The following UBE2E2 variants were observed in gnomAD, a reference collection of about 807,000 sequenced individuals.
UBE2E2 encodes the protein ubiquitin-conjugating enzyme E2 E2.
Under a neutral mutation model 24.7 loss-of-function variants are expected in UBE2E2, and 6 were observed. That is an observed-to-expected ratio of 0.24 (90% CI 0.13 to 0.48). The LOEUF (loss-of-function observed/expected upper bound fraction) is 0.48, where lower values mean the gene tolerates loss of function less well. Ranked by LOEUF, UBE2E2 falls within the 20% of genes least tolerant of loss-of-function variation. The pLI is 0.99. For missense variants in UBE2E2, 169 were observed against 245.0 expected (o/e 0.69, Z 2.07); for synonymous variants, 104 against 83.6 (o/e 1.24, Z -1.33).
chr3:23,341,980 G>A (rs1478649789), intron 3 of UBE2E2, among the ~76,000 whole-genome samples: 1 of 152,098 alleles, frequency 6.6e-6, no homozygotes, highest in African/African-American at 2.4e-5. Context: ...TTGATAGTAG[G>A]GAAGTAAAAG....
At chr3:23,413,194 A>G (rs953850627) in intron 3 of UBE2E2, among the ~76,000 whole-genome samples, 1 of 115,050 alleles carries the variant, frequency 8.7e-6, no homozygotes, top group Non-Finnish European at 1.7e-5. Flanking sequence ...CTTAAAGTAT[A>G]ATAATAATAA....
intron 3 of UBE2E2, among the ~76,000 whole-genome samples, chr3:23,346,191 C>A (rs1695550148): frequency 6.6e-6 from 1 of 152,098 alleles, no homozygotes; most frequent in African/African-American, 2.4e-5. Flanking sequence ...TGTTGAATTT[C>A]AACAAAAGTT....
chr3:23,296,288 C>G (rs1482095838), intron 3 of UBE2E2, among the ~76,000 whole-genome samples: 1 of 152,008 alleles, frequency 6.6e-6, no homozygotes, highest in Admixed American at 6.6e-5. Context: ...TATTTCACTA[C>G]TTTAGTGTTT....
At chr3:23,553,337 G>C (rs1467832242) in intron 5 of UBE2E2, among the ~76,000 whole-genome samples, 1 of 151,984 alleles carries the variant, frequency 6.6e-6, no homozygotes, top group East Asian at 1.9e-4. Flanking sequence ...TTTCAAAGAA[G>C]CATAACTTGT....
At chr3:23,289,573 T>C (rs1372348134) in intron 3 of UBE2E2, among the ~76,000 whole-genome samples, 1 of 152,264 alleles carries the variant, frequency 6.6e-6, no homozygotes, top group Non-Finnish European at 1.5e-5. Flanking sequence ...CCGTTTAAGA[T>C]GTCACTTTAA....
At position 23,354,930 on chromosome 3, in the gene UBE2E2, G is replaced by A. The variant is rs375538674; in HGVS notation, c.227+137618G>A. The stretch of plus-strand genomic sequence containing the variant: ...TGCTGCTATAAAGACACATGCACAC[G>A]TATGTTTATTGCGGCACTATTCACA... On this transcript the variant is annotated intron_variant, in intron 3 of 5. Coordinates refer to ENST00000396703, the MANE Select transcript of UBE2E2 (RefSeq NM_152653.4). 6.9e-4 allele frequency among the ~76,000 whole-genome samples: 105 copies of A among 152,090 alleles called. 3 individuals are homozygous for A. In the East Asian group the frequency reaches 0.016, roughly 23 times the overall value.
At chr3:23,383,927 A>T (rs1165310890) in intron 3 of UBE2E2, among the ~76,000 whole-genome samples, 2 of 149,928 alleles carry the variant, frequency 1.3e-5, no homozygotes, top group East Asian at 1.9e-4. Context: ...GTTTCATGCC[A>T]TATAAAACTA....
At chr3:23,418,327 T>G (rs1697698756) in intron 3 of UBE2E2, among the ~76,000 whole-genome samples, 1 of 152,148 alleles carries the variant, frequency 6.6e-6, no homozygotes, top group African/African-American at 2.4e-5. Context: ...CTGGACTCCA[T>G]GTGCTTCCTG....
At chr3:23,274,038 A>G (rs1698319213) in intron 3 of UBE2E2, 1 of 152,256 alleles carries the variant, frequency 6.6e-6, no homozygotes, top group Non-Finnish European at 1.5e-5. Flanking sequence ...TGCTGTTGAT[A>G]TAAGAAGGGA....
At chr3:23,234,861 A>G (rs1317686032) in intron 3 of UBE2E2, among the ~76,000 whole-genome samples, 2 of 152,170 alleles carry the variant, frequency 1.3e-5, no homozygotes, top group Non-Finnish European at 2.9e-5. Flanking sequence ...AAATCTGTGG[A>G]TAGGTTCAAA....
intron 3 of UBE2E2, among the ~76,000 whole-genome samples, chr3:23,278,823 A>G (rs896079549): frequency 1.3e-5 from 2 of 152,194 alleles, no homozygotes; most frequent in Non-Finnish European, 2.9e-5. Flanking sequence ...TTGCATAAGC[A>G]CATTATGAAA....
chr3:23,518,329 T>C (rs1382007596), intron 4 of UBE2E2, among the ~76,000 whole-genome samples: 2 of 152,106 alleles, frequency 1.3e-5, no homozygotes. Flanking sequence ...AAATTAGGCA[T>C]GGAAATTTAA....
intron 3 of UBE2E2, among the ~76,000 whole-genome samples, chr3:23,328,369 A>G (rs564789796): frequency 6.6e-6 from 1 of 152,286 alleles, no homozygotes; most frequent in Admixed American, 6.5e-5. Context: ...TCAGTAGAAA[A>G]TGTACTTCAG....
intron 3 of UBE2E2, among the ~76,000 whole-genome samples, chr3:23,434,696 G>A (rs993013134): frequency 6.6e-6 from 1 of 152,148 alleles, no homozygotes; most frequent in African/African-American, 2.4e-5. Context: ...GTACTACTGA[G>A]TTCAGGAAAC....
At position 23,499,317 on chromosome 3, in the gene UBE2E2, A is replaced by G. The variant is rs187656130; in HGVS notation, c.228-291A>G. On this transcript the variant is annotated intron_variant, in intron 3 of 5. Coordinates refer to ENST00000396703, the MANE Select transcript of UBE2E2 (RefSeq NM_152653.4). ...ACATCACAAATAATTTCATGCTTTC[A>G]TTAAACATTTGTGTTTCTACCTCTG... is the stretch of plus-strand genomic sequence containing the variant. 1.5e-3 allele frequency among the ~76,000 whole-genome samples: 221 copies of G among 152,300 alleles called. 1 individual carries two copies. The highest frequency in any genetic ancestry group is 5.1e-3 in the African/African-American group (210 of 41,566).
intron 5 of UBE2E2, among the ~76,000 whole-genome samples, chr3:23,545,586 A>T (rs539448165): frequency 6.6e-6 from 1 of 152,302 alleles, no homozygotes; most frequent in South Asian, 2.1e-4. Context: ...ACTTCTTTCT[A>T]CACAGACACA....
At chr3:23,581,211 C>A (rs1207066839) in intron 5 of UBE2E2, among the ~76,000 whole-genome samples, 1 of 152,050 alleles carries the variant, frequency 6.6e-6, no homozygotes, top group Non-Finnish European at 1.5e-5. Context: ...GCATGCACCA[C>A]CACACCCAGC....
intron 5 of UBE2E2, among the ~76,000 whole-genome samples, chr3:23,564,180 T>G (rs1696006826): frequency 6.6e-6 from 1 of 152,088 alleles, no homozygotes; most frequent in Admixed American, 6.6e-5. Flanking sequence ...TGTGAGTGCA[T>G]TCACATTTAG....
chr3:23,506,182 A>T (rs1694451743), intron 4 of UBE2E2, among the ~76,000 whole-genome samples: 1 of 152,242 alleles, frequency 6.6e-6, no homozygotes, highest in South Asian at 2.1e-4. Flanking sequence ...ATGGAATAAC[A>T]TGAATTGGCT....
Sources: gnomAD v4.1 joint callset for allele counts (sites outside exome capture counted in the v4.1 genomes callset) on GRCh38, gnomAD v4.1.1 for gene constraint, MANE v1.5 for transcripts, NCBI Gene and HGNC (gene_info 2026-07-23, HGNC 2026-07-21) for gene names.